The following PEX2 variants were observed in gnomAD, a reference collection of about 807,000 sequenced individuals.
The protein encoded by PEX2 is peroxisome biogenesis factor 2.
A neutral mutation model predicts 25.2 loss-of-function variants in PEX2; 19 were observed. The observed-to-expected ratio is 0.75, with a 90% CI of 0.53 to 1.10. The LOEUF (loss-of-function observed/expected upper bound fraction) is 1.10. PEX2 is among the 50% of genes least tolerant of loss of function. PEX2 has a pLI of 0.00. For synonymous variants in PEX2, 141 were observed against 127.7 expected (o/e 1.10, Z -0.70); for missense variants, 347 against 350.6 (o/e 0.99, Z 0.08).
chr8:76,995,792 C>T (rs1807308611), intron 1 of PEX2, among the ~76,000 whole-genome samples: 1 of 152,032 alleles, frequency 6.6e-6, no homozygotes, highest in African/African-American at 2.4e-5. Flanking sequence ...GATGTTGGAG[C>T]GAGTATTGGG....
At position 76,981,941 on chromosome 8, in the gene PEX2, A is replaced by C. The variant is rs1806841929; in HGVS notation, c.*1320T>G. On this transcript the variant is annotated 3_prime_UTR_variant, in exon 4 of 4. Transcript: ENST00000357039. The stretch of plus-strand genomic sequence containing the variant: ...CATTCAATCACAGAATGTAAACTCC[A>C]TGAAGGTAACTTGATTTTTCCTGCT... 1 of 152,222 alleles carries C rather than the reference A, an allele frequency of 6.6e-6. No homozygotes were observed. The highest frequency in any genetic ancestry group is 2.4e-5 in the African/African-American group (1 of 41,456). 9.4% of individuals were successfully genotyped at this position (152,222 alleles called of 1,614,324 possible). A position where few individuals can be genotyped will look rare whatever the true frequency, so the allele number is the denominator to read the frequency against.
chr8:77,000,234 G>GAGCCGAAGGGCCGAAA, upstream of PEX2: 1 of 300,346 alleles, frequency 3.3e-6, no homozygotes, highest in Non-Finnish European at 6.5e-6. Context: ...ACAAGCCGAA[G>GAGCCGAAGGGCCGAAA]AGCCGAAGGG....
chr8:77,000,240 A>T (rs934713559), upstream of PEX2: 1 of 300,266 alleles, frequency 3.3e-6, no homozygotes, highest in African/African-American at 2.3e-5. Context: ...CGAAGAGCCG[A>T]AGGGCCGAAA....
rs1006195449 is a variant in PEX2 at position 76,982,985 on chromosome 8, A to T, written c.*276T>A. The T allele has an allele frequency of 1.4e-6, 1 of 727,154 alleles. No individual in the cohort carries two copies. The highest frequency in any genetic ancestry group is 3.8e-5 in the Admixed American group (1 of 26,366). The allele number at this position is 727,154 out of a possible 1,614,324, so 45.0% of individuals were successfully genotyped here. A position where few individuals can be genotyped will look rare whatever the true frequency, so the allele number is the denominator to read the frequency against. Reference sequence around the variant, plus strand: ...GTTTTAAGAAGTAGTAAAATGAAGGAGCATTGTTAGTAGTCACCTGACAAA... The same window carrying T: ...GTTTTAAGAAGTAGTAAAATGAAGGTGCATTGTTAGTAGTCACCTGACAAA... On this transcript the variant is annotated 3_prime_UTR_variant, in exon 4 of 4. Coordinates refer to ENST00000357039, the MANE Select transcript of PEX2 (RefSeq NM_000318.3).
In PEX2 at chr8:76,981,157, G is replaced by A. The variant is rs918015915; in HGVS notation, c.*2104C>T. On this transcript the variant is annotated 3_prime_UTR_variant, in exon 4 of 4. Transcript: ENST00000357039. ...ATAATAATAGGAATAGGAATATGAT[G>A]GCATATACATAGCATTTTAAAAATA... is the stretch of plus-strand genomic sequence containing the variant. The A allele has an allele frequency of 1.2e-4, 18 of 152,188 alleles. No homozygotes were observed. The highest frequency in any genetic ancestry group is 4.1e-4 in the African/African-American group (17 of 41,436). The allele number at this position is 152,188 out of a possible 1,614,324, so 9.4% of individuals were successfully genotyped here. A position where few individuals can be genotyped will look rare whatever the true frequency, so the allele number is the denominator to read the frequency against.
rs777974798 is a variant in PEX2 at position 76,983,958 on chromosome 8, G to GC, written c.220dup (p.Ala74GlyfsTer11). On this transcript the variant is annotated frameshift_variant, in exon 4 of 4. Coordinates refer to ENST00000357039, the MANE Select transcript of PEX2 (RefSeq NM_000318.3). LOFTEE classifies it high-confidence loss of function. ...ATTCAAAACTGACTGTCCCACTGTGGCATTTTTGGAGTAGATGGTGAATCT... is the reference window on the plus strand; with the variant it reads ...ATTCAAAACTGACTGTCCCACTGTGGCCATTTTTGGAGTAGATGGTGAATCT... The GC allele has an allele frequency of 6.2e-7, 1 of 1,614,076 alleles. No homozygotes were observed. Among genetic ancestry groups the GC allele is most frequent in the Non-Finnish European group, 8.5e-7 (1 of 1,179,990 alleles).
chr8:76,989,546 T>C (rs1166171172), intron 1 of PEX2, among the ~76,000 whole-genome samples: 1 of 152,044 alleles, frequency 6.6e-6, no homozygotes, highest in East Asian at 1.9e-4. Context: ...AAAAAAAATA[T>C]AAAAGTCAAA....
chr8:76,999,662 A>T (rs1008436482), intron 1 of PEX2: 2 of 364,772 alleles, frequency 5.5e-6, no homozygotes, highest in African/African-American at 4.3e-5. Flanking sequence ...TAAGAGGTAA[A>T]TATCTTCACG....
Position 76,983,782 on chromosome 8 carries a change from C to T in PEX2, c.397G>A (p.Gly133Arg). The T allele has an allele frequency of 6.2e-7, 1 of 1,614,092 alleles. No individual in the cohort carries two copies. The highest frequency in any genetic ancestry group is 8.5e-7 in the Non-Finnish European group (1 of 1,180,040). Residue 133 changes from glycine to arginine, a missense_variant, in exon 4 of 4, where the codon GGG (glycine) becomes AGG (arginine). By Grantham distance (125) the Gly-to-Arg change is moderately radical. Transcript: ENST00000357039. ...AAATTCACACACTGCTTGACTTTCC[C>T]AAATGATGCTAAATGATGGTTTCGA... ...LFRNHHLASF[G>R]KVKQCVNFVI...
Position 76,980,990 on chromosome 8 carries a change from C to T in PEX2, c.*2271G>A, listed in dbSNP as rs1179635754. The T allele has an allele frequency of 6.6e-6, 1 of 152,178 alleles. No individual in the cohort carries two copies. The highest frequency in any genetic ancestry group is 1.9e-4 in the East Asian group (1 of 5,184). 9.4% of individuals were successfully genotyped at this position (152,178 alleles called of 1,614,324 possible). On this transcript the variant is annotated 3_prime_UTR_variant, in exon 4 of 4. Coordinates refer to ENST00000357039, the MANE Select transcript of PEX2 (RefSeq NM_000318.3). ...GAGAGCCAAAGGATAAAGCCTGTCTCAAAGAGAACCATCTGAGCACCTACA... is the reference window on the plus strand; with the variant it reads ...GAGAGCCAAAGGATAAAGCCTGTCTTAAAGAGAACCATCTGAGCACCTACA...
At chr8:76,994,759 C>T (rs1367116258) in intron 1 of PEX2, among the ~76,000 whole-genome samples, 5 of 152,182 alleles carry the variant, frequency 3.3e-5, no homozygotes. Flanking sequence ...GTCACTGCCA[C>T]ACCATCTTAA....
At position 76,983,618 on chromosome 8, in the gene PEX2, G is replaced by A; in HGVS notation, c.561C>T (p.Gly187=). Residue 187 remains glycine, a synonymous_variant, in exon 4 of 4, where the codon GGC becomes GGT. Coordinates refer to ENST00000357039, the MANE Select transcript of PEX2 (RefSeq NM_000318.3). Reference sequence around the variant, plus strand: ...GAAGTTCCCTATTCATGTATTCAAAGCCAACTTCACATATGTTTTGAGGCT... The same window carrying A: ...GAAGTTCCCTATTCATGTATTCAAAACCAACTTCACATATGTTTTGAGGCT... ...FCKPQNICEV[G]FEYMNRELLW... 1 of 1,613,910 alleles carries A rather than the reference G, an allele frequency of 6.2e-7. No individual in the cohort carries two copies. Among genetic ancestry groups the A allele is most frequent in the Non-Finnish European group, 8.5e-7 (1 of 1,179,860 alleles).
At chr8:76,986,109 C>A (rs1417351690) in intron 3 of PEX2, 78 bp downstream of exon 3, 2 of 152,138 alleles carry the variant, frequency 1.3e-5, no homozygotes, top group African/African-American at 4.8e-5. Flanking sequence ...TTGTTTGGAG[C>A]TATTTTTCTC....
At chr8:76,991,628 G>A (rs1314998003) in intron 1 of PEX2, among the ~76,000 whole-genome samples, 1 of 152,132 alleles carries the variant, frequency 6.6e-6, no homozygotes, top group Non-Finnish European at 1.5e-5. Flanking sequence ...TCATTAAAGT[G>A]GAATACTTCT....
intron 1 of PEX2, among the ~76,000 whole-genome samples, chr8:76,988,677 A>G (rs886625054): frequency 6.6e-6 from 1 of 152,180 alleles, no homozygotes; most frequent in Admixed American, 6.5e-5. Flanking sequence ...TTGACTCTTC[A>G]TCTCATGAAA....
intron 1 of PEX2, among the ~76,000 whole-genome samples, chr8:76,992,111 A>G (rs879699235): frequency 6.6e-6 from 1 of 152,168 alleles, no homozygotes; most frequent in African/African-American, 2.4e-5. Context: ...GGGAGGGGCC[A>G]GGCAGGAGTG....
intron 1 of PEX2, among the ~76,000 whole-genome samples, chr8:76,993,704 G>T (rs1009657001): frequency 6.6e-6 from 1 of 151,970 alleles, no homozygotes; most frequent in African/African-American, 2.4e-5. Context: ...GCTTTGAATT[G>T]AACCACCATT....
Position 76,983,138 on chromosome 8 carries a change from G to T in PEX2, c.*123C>A. 1 of 1,571,426 alleles carries T rather than the reference G, an allele frequency of 6.4e-7. No individual in the cohort carries two copies. Among genetic ancestry groups the T allele is most frequent in the Non-Finnish European group, 8.6e-7 (1 of 1,165,212 alleles). ...ATTAGATTTCAGTCATGCCTGGAAA[G>T]GAGAAGACAGTGGCTAGGAGCACAT... is the stretch of plus-strand genomic sequence containing the variant. On this transcript the variant is annotated 3_prime_UTR_variant, in exon 4 of 4. Transcript: ENST00000357039.
chr8:76,997,348 C>T (rs1221326377), intron 1 of PEX2, among the ~76,000 whole-genome samples: 2 of 152,162 alleles, frequency 1.3e-5, no homozygotes, highest in Admixed American at 6.5e-5. Flanking sequence ...GTGGGCAGAT[C>T]GCCTAAGGTG....
Sources: gnomAD v4.1 joint callset for allele counts (sites outside exome capture counted in the v4.1 genomes callset) on GRCh38, gnomAD v4.1.1 for gene constraint, MANE v1.5 for transcripts, NCBI Gene and HGNC (gene_info 2026-07-23, HGNC 2026-07-21) for gene names.